ANKHD1: variants seen among roughly 807,000 people sequenced by gnomAD.
ANKHD1 encodes the protein ankyrin repeat and KH domain containing 1.
In ANKHD1, 31 loss-of-function variants were observed where a neutral mutation model predicts 230.5. The ratio of observed to expected loss-of-function variants is 0.13; its 90% CI spans 0.10 to 0.18. ANKHD1 has a LOEUF of 0.18. ANKHD1 is among the 10% of genes least tolerant of loss of function. The pLI, the probability that ANKHD1 is intolerant of heterozygous loss-of-function variation, is 1.00. For synonymous variants in ANKHD1, 1,074 were observed against 1,117.6 expected (o/e 0.96, Z 0.78); for missense variants, 2,256 against 3,071.3 (o/e 0.73, Z 6.27).
chr5:140,500,648 CAAAAAAAAAA>C (rs376975917), intron 15 of ANKHD1, among the ~76,000 whole-genome samples: 3 of 78,746 alleles, frequency 3.8e-5, no homozygotes, highest in Non-Finnish European at 7.6e-5. Context: ...GACTCTGTCT[CAAAAAAAAAA>C]AAAAAAAAAA....
chr5:140,479,039 C>G (rs1161562985), intron 10 of ANKHD1, among the ~76,000 whole-genome samples: 5 of 150,644 alleles, frequency 3.3e-5, no homozygotes, highest in Non-Finnish European at 5.9e-5. Flanking sequence ...TGCTCTGTCA[C>G]CCAGGCTGGA....
chr5:140,503,960 A>G (rs1323622162), intron 15 of ANKHD1, among the ~76,000 whole-genome samples: 1 of 152,172 alleles, frequency 6.6e-6, no homozygotes, highest in Non-Finnish European at 1.5e-5. Context: ...TCAGATACTG[A>G]TTTTTTAACA....
intron 10 of ANKHD1, among the ~76,000 whole-genome samples, chr5:140,477,855 C>T (rs1316488823): frequency 6.6e-6 from 1 of 152,096 alleles, no homozygotes; most frequent in Admixed American, 6.6e-5. Flanking sequence ...TGTGATCCAC[C>T]CGCCTCGGCC....
In ANKHD1 at chr5:140,528,362, G is replaced by T. The variant is rs928603593; in HGVS notation, c.5416G>T (p.Ala1806Ser). The T allele has an allele frequency of 2.5e-6, 4 of 1,614,042 alleles. No homozygotes were observed. The highest frequency in any genetic ancestry group is 2.2e-5 in the East Asian group (1 of 44,876). The change falls in exon 29 of 34, where the codon GCA becomes TCA. Residue 1806 changes from alanine (A) to serine (S), a missense_variant. Coordinates refer to ENST00000360839, the MANE Select transcript of ANKHD1 (RefSeq NM_017747.3). ...VGTTAASSKN[A>S]FPLGAPTLVT... is the part of the protein sequence containing the mutation. Reference sequence around the variant, plus strand: ...TACCACAGCAGCTTCCAGTAAAAATGCATTTCCTTTGGGTGCTCCAACTCT... The same window carrying T: ...TACCACAGCAGCTTCCAGTAAAAATTCATTTCCTTTGGGTGCTCCAACTCT...
intron 11 of ANKHD1, among the ~76,000 whole-genome samples, chr5:140,484,237 TAAG>T (rs1387924480): frequency 6.6e-6 from 1 of 152,210 alleles, no homozygotes; most frequent in East Asian, 1.9e-4. Context: ...TAGGTAGAAT[TAAG>T]AAGGAAGAAT....
chr5:140,461,262 A>T (rs960600885), intron 9 of ANKHD1, among the ~76,000 whole-genome samples: 1 of 152,214 alleles, frequency 6.6e-6, no homozygotes, highest in African/African-American at 2.4e-5. Context: ...CAGAGTCAAC[A>T]TTCAAACTTA....
intron 10 of ANKHD1, among the ~76,000 whole-genome samples, chr5:140,474,657 C>T (rs1353293744): frequency 9.3e-5 from 13 of 139,892 alleles, no homozygotes; most frequent in Non-Finnish European, 1.8e-4. Flanking sequence ...AGTACAAAAG[C>T]GTGATTATAG....
At chr5:140,441,260 T>G (rs1773826471) in intron 5 of ANKHD1, 118 bp downstream of exon 5, 1 of 1,287,070 alleles carries the variant, frequency 7.8e-7, no homozygotes, top group Non-Finnish European at 1.0e-6. Flanking sequence ...ATCTTAGCCC[T>G]TGTGTAGAAT....
At chr5:140,404,716 C>T (rs539711784) in intron 1 of ANKHD1, among the ~76,000 whole-genome samples, 2 of 151,480 alleles carry the variant, frequency 1.3e-5, no homozygotes, top group African/African-American at 2.4e-5. Context: ...TGAGCCACCA[C>T]GCCCGGCCTT....
chr5:140,537,721 G>A, intron 31 of ANKHD1, 132 bp downstream of exon 31: 2 of 1,361,360 alleles, frequency 1.5e-6, no homozygotes, highest in Non-Finnish European at 1.9e-6. Flanking sequence ...TTAGGGAAGG[G>A]TGTTTATATC....
chr5:140,409,251 A>G (rs1324188328), intron 1 of ANKHD1, among the ~76,000 whole-genome samples: 5 of 152,216 alleles, frequency 3.3e-5, no homozygotes, highest in Non-Finnish European at 7.3e-5. Context: ...GAAGGTACTG[A>G]AAGGTTTAAT....
intron 15 of ANKHD1, among the ~76,000 whole-genome samples, chr5:140,501,423 T>C (rs764339271): frequency 3.0e-4 from 45 of 151,974 alleles, no homozygotes; most frequent in Non-Finnish European, 5.6e-4. Flanking sequence ...TACCAATACA[T>C]AAAACAGATT....
chr5:140,469,013 C>G (rs577508453), intron 10 of ANKHD1, among the ~76,000 whole-genome samples: 4 of 152,062 alleles, frequency 2.6e-5, no homozygotes, highest in Non-Finnish European at 5.9e-5. Flanking sequence ...AAATCCTGAA[C>G]CAGTGTACAT....
At chr5:140,508,314 G>T (rs1752621477) in intron 20 of ANKHD1, among the ~76,000 whole-genome samples, 1 of 152,150 alleles carries the variant, frequency 6.6e-6, no homozygotes. Context: ...GACTTTTAAA[G>T]AACACCTTTA....
rs1228801447 is a variant in ANKHD1 at position 140,507,891 on chromosome 5, A to G, written c.3658A>G (p.Ile1220Val). The change falls in exon 20 of 34, where the codon ATA becomes GTA. Residue 1220 changes from isoleucine to valine, a missense_variant. Coordinates refer to ENST00000360839, the MANE Select transcript of ANKHD1 (RefSeq NM_017747.3). This position sits in a 1 kb window ranked among gnomAD's most constrained non-coding sequence, Gnocchi z 4.1. ...TATGGGTTCAGACATTAATGCCCAA[A>G]TAGAGACCAATCGGAACACGGCTCT... ...LDMGSDINAQ[I>V]ETNRNTALTL... The G allele has an allele frequency of 1.2e-6, 2 of 1,614,026 alleles. No individual in the cohort carries two copies. The highest frequency in any genetic ancestry group is 1.7e-6 in the Non-Finnish European group (2 of 1,180,028).
At position 140,485,285 on chromosome 5, in the gene ANKHD1, G is replaced by T; in HGVS notation, c.1998+37G>T. 1 of 1,585,934 alleles carries T rather than the reference G, an allele frequency of 6.3e-7. No individual in the cohort carries two copies. The highest frequency in any genetic ancestry group is 2.3e-5 in the East Asian group (1 of 44,102). The stretch of plus-strand genomic sequence containing the variant: ...AAAAATAAGTAAACAGGCTGTGTGC[G>T]GTGGCTCATGTCTATGATCCCAGCA... On this transcript the variant is annotated intron_variant, in intron 12 of 33. Transcript: ENST00000360839. The surrounding 1 kb of genome is among the most constrained non-coding windows in gnomAD (Gnocchi z 4.8).
At position 140,401,865 on chromosome 5, in the gene ANKHD1, G is replaced by T; in HGVS notation, c.-103G>T. 8 of 1,429,180 alleles carry T rather than the reference G, an allele frequency of 5.6e-6. No individual in the cohort carries two copies. In the South Asian group the frequency reaches 7.7e-5, roughly 14 times the overall value. 88.5% of individuals were successfully genotyped at this position (1,429,180 alleles called of 1,614,324 possible). On this transcript the variant is annotated 5_prime_UTR_variant, in exon 1 of 34. Transcript: ENST00000360839. ...AGTTAGTGGCGCTGCTGGGACGGGGGAAAGGAGACGCTTCTTCCTCTTGCT... is the reference window on the plus strand; with the variant it reads ...AGTTAGTGGCGCTGCTGGGACGGGGTAAAGGAGACGCTTCTTCCTCTTGCT...
chr5:140,511,141 C>T (rs546490382), intron 22 of ANKHD1, among the ~76,000 whole-genome samples: 57 of 152,078 alleles, frequency 3.7e-4, no homozygotes, highest in Non-Finnish European at 7.4e-4. Flanking sequence ...AGTTCATGCC[C>T]GGCCTCTCAT....
chr5:140,463,966 C>T (rs1775903634), intron 9 of ANKHD1, among the ~76,000 whole-genome samples: 1 of 152,112 alleles, frequency 6.6e-6, no homozygotes, highest in African/African-American at 2.4e-5. Flanking sequence ...AGCCACCATG[C>T]CTGGCTAGAA....
Sources: allele counts gnomAD v4.1 joint callset (sites outside exome capture counted in the v4.1 genomes callset), GRCh38; gene constraint gnomAD v4.1.1; non-coding constraint Gnocchi (gnomAD v3.1); transcripts MANE v1.5; gene names NCBI Gene and HGNC (gene_info 2026-07-23, HGNC 2026-07-21).